The following TRPC4AP variants were observed in gnomAD, a reference collection of about 807,000 sequenced individuals.
TRPC4AP encodes the protein short transient receptor potential channel 4-associated protein.
Under a neutral mutation model 99.0 loss-of-function variants are expected in TRPC4AP, and 45 were observed. That is an observed-to-expected ratio of 0.45 (90% CI 0.36 to 0.58). The LOEUF (loss-of-function observed/expected upper bound fraction) is 0.58, where lower values mean the gene tolerates loss of function less well. TRPC4AP is among the 20% of genes least tolerant of loss of function. The pLI, the probability that TRPC4AP is intolerant of heterozygous loss-of-function variation, is 0.00. For synonymous variants in TRPC4AP, 408 were observed against 385.8 expected (o/e 1.06, Z -0.67); for missense variants, 879 against 985.3 (o/e 0.89, Z 1.44).
At chr20:35,076,164 CT>C (rs1217549352) in intron 2 of TRPC4AP, among the ~76,000 whole-genome samples, 4 of 152,182 alleles carry the variant, frequency 2.6e-5, no homozygotes, top group Non-Finnish European at 5.9e-5. Flanking sequence ...TTCGTCTAAT[CT>C]TTTGTCAAGG....
chr20:35,002,459 T>TAATA lies in TRPC4AP; in HGVS notation c.*683_*686dup. 1 of 366,906 alleles carries TAATA rather than the reference T, an allele frequency of 2.7e-6. No homozygotes were observed. The highest frequency in any genetic ancestry group is 1.3e-4 in the South Asian group (1 of 7,542). The allele number at this position is 366,906 out of a possible 1,614,324, so 22.7% of individuals were successfully genotyped here. On this transcript the variant is annotated 3_prime_UTR_variant, in exon 19 of 19. Coordinates refer to ENST00000252015, the MANE Select transcript of TRPC4AP (RefSeq NM_015638.3). ...TCCATTTAATTGGTTTATTTGCTGT[T>TAATA]AATAAATTGGCAACACAAGGAAGGG... is the stretch of plus-strand genomic sequence containing the variant.
chr20:35,080,248 C>T (rs887562900), intron 1 of TRPC4AP, among the ~76,000 whole-genome samples: 4 of 151,868 alleles, frequency 2.6e-5, no homozygotes, highest in African/African-American at 9.7e-5. Flanking sequence ...CCAAAGTAAT[C>T]CCAGCACTTT....
At chr20:35,044,484 C>T (rs772243598) in intron 7 of TRPC4AP, 21 bp downstream of exon 7, 5 of 1,603,756 alleles carry the variant, frequency 3.1e-6, no homozygotes, top group Non-Finnish European at 4.3e-6. Flanking sequence ...TCTCAAAATT[C>T]TGAGAACTTG....
chr20:35,043,176 T>C (rs980039131), intron 7 of TRPC4AP, among the ~76,000 whole-genome samples: 11 of 152,184 alleles, frequency 7.2e-5, no homozygotes, highest in Non-Finnish European at 1.2e-4. Context: ...TTGAATACAC[T>C]AAGCAGTCCA....
chr20:35,081,446 C>T (rs1160884524), intron 1 of TRPC4AP, among the ~76,000 whole-genome samples: 1 of 151,246 alleles, frequency 6.6e-6, no homozygotes, highest in Non-Finnish European at 1.5e-5. Context: ...GCTAGGAGGC[C>T]GAGACTGCAG....
chr20:35,053,563 T>C (rs996424987), intron 5 of TRPC4AP, among the ~76,000 whole-genome samples: 2 of 152,212 alleles, frequency 1.3e-5, no homozygotes, highest in Admixed American at 1.3e-4. Flanking sequence ...TAGATCTCCC[T>C]GTGCCTATCT....
At chr20:35,018,628 A>G (rs1445776802) in intron 9 of TRPC4AP, among the ~76,000 whole-genome samples, 1 of 133,798 alleles carries the variant, frequency 7.5e-6, no homozygotes. Context: ...AAAAAAAAAG[A>G]AAGAAAGAAA....
At chr20:35,048,357 G>T (rs1440302605) in intron 6 of TRPC4AP, among the ~76,000 whole-genome samples, 1 of 151,808 alleles carries the variant, frequency 6.6e-6, no homozygotes, top group Non-Finnish European at 1.5e-5. Context: ...GACTACAGGT[G>T]TGCACCACCA....
intron 1 of TRPC4AP, 61 bp downstream of exon 1, chr20:35,092,553 G>T: frequency 7.3e-7 from 1 of 1,364,796 alleles, no homozygotes; most frequent in Admixed American, 3.3e-5. Context: ...CCTCTTCCCC[G>T]GCCCCCCGCC....
At chr20:35,033,101 A>G (rs2147331490) in intron 8 of TRPC4AP, among the ~76,000 whole-genome samples, 1 of 152,078 alleles carries the variant, frequency 6.6e-6, no homozygotes, top group East Asian at 1.9e-4. Flanking sequence ...GGAGGCTGAG[A>G]GAGAACTGCT....
intron 12 of TRPC4AP, among the ~76,000 whole-genome samples, chr20:35,009,208 T>G (rs2082579324): frequency 6.6e-6 from 1 of 152,164 alleles, no homozygotes; most frequent in African/African-American, 2.4e-5. Flanking sequence ...GATGAGGAAA[T>G]GACTCTGGCC....
intron 1 of TRPC4AP, among the ~76,000 whole-genome samples, chr20:35,080,105 C>T (rs1306328115): frequency 6.6e-6 from 1 of 151,420 alleles, no homozygotes; most frequent in Non-Finnish European, 1.5e-5. Flanking sequence ...TATAGTATAT[C>T]CATCCAATGG....
intron 9 of TRPC4AP, among the ~76,000 whole-genome samples, chr20:35,018,851 G>A (rs568021183): frequency 2.0e-5 from 3 of 152,234 alleles, no homozygotes; most frequent in African/African-American, 7.2e-5. Flanking sequence ...AGATAGCTCT[G>A]TGACCCTGGG....
At chr20:35,026,670 ATTATC>A (rs920584341) in intron 8 of TRPC4AP, among the ~76,000 whole-genome samples, 7 of 152,178 alleles carry the variant, frequency 4.6e-5, no homozygotes, top group African/African-American at 1.7e-4. Context: ...TGGGACTATC[ATTATC>A]TTAACAATAT....
intron 3 of TRPC4AP, 116 bp from the exon 4 acceptor site, chr20:35,057,687 G>C: frequency 1.3e-6 from 1 of 781,600 alleles, no homozygotes; most frequent in Non-Finnish European, 2.0e-6. Context: ...AGACCCTTTT[G>C]TTCCAGGAGG....
intron 8 of TRPC4AP, among the ~76,000 whole-genome samples, chr20:35,034,866 G>A (rs577747526): frequency 2.6e-5 from 4 of 152,264 alleles, no homozygotes; most frequent in African/African-American, 9.6e-5. Flanking sequence ...ACTGGTTCTT[G>A]TTAGTCCCTG....
At chr20:35,073,006 G>A (rs1600645392) in intron 2 of TRPC4AP, among the ~76,000 whole-genome samples, 1 of 152,170 alleles carries the variant, frequency 6.6e-6, no homozygotes, top group East Asian at 1.9e-4. Flanking sequence ...CACATCCCTT[G>A]TGAGTTGGAT....
chr20:35,064,088 C>A (rs776587265), intron 3 of TRPC4AP, among the ~76,000 whole-genome samples: 2 of 152,108 alleles, frequency 1.3e-5, no homozygotes, highest in Non-Finnish European at 2.9e-5. Context: ...CAAAAAAGTC[C>A]AATTTTCACT....
In TRPC4AP at chr20:35,035,228, C is replaced by T. The variant is rs2083292215; in HGVS notation, c.946G>A (p.Ala316Thr). ...TRKVSESTGT[A>T]SFLQELEEWY... ...TCTTCCAACTCCTGAAGGAAGCTGG[C>T]TGTGCCCGTTGACTCTGACACCTTT... The change falls in exon 8 of 19, where the codon GCC becomes ACC. Residue 316 changes from alanine to threonine, a missense_variant. By Grantham distance (58) the Ala-to-Thr change is moderately conservative. Coordinates refer to ENST00000252015, the MANE Select transcript of TRPC4AP (RefSeq NM_015638.3). 6.2e-7 allele frequency: 1 copy of T among 1,614,150 alleles called. No individual in the cohort carries two copies.
Sources: allele counts gnomAD v4.1 joint callset (sites outside exome capture counted in the v4.1 genomes callset), GRCh38; gene constraint gnomAD v4.1.1; transcripts MANE v1.5; gene names NCBI Gene and HGNC (gene_info 2026-07-23, HGNC 2026-07-21).